The following AMMECR1 variants were observed in gnomAD, a reference collection of about 807,000 sequenced individuals.
AMMECR1 encodes the protein nuclear protein AMMECR1.
In AMMECR1, 3 loss-of-function variants were observed where a neutral mutation model predicts 22.5. The ratio of observed to expected loss-of-function variants is 0.13; its 90% CI spans 0.06 to 0.35. AMMECR1 has a LOEUF of 0.35. Among genes scored for constraint, AMMECR1 ranks in the 10% least tolerant of loss-of-function variants. The pLI is 1.00. For missense variants in AMMECR1, 235 were observed against 278.7 expected (o/e 0.84, Z 1.12); for synonymous variants, 130 against 116.7 (o/e 1.11, Z -0.74).
At chrX:110,259,752 C>T (rs1400767229) in intron 2 of AMMECR1, among the ~76,000 whole-genome samples, 7 of 109,147 alleles carry the variant, frequency 6.4e-5, no homozygotes, top group African/African-American at 2.3e-4. Flanking sequence ...CCACCACGCC[C>T]GGCTAATTTT....
At chrX:110,232,956 C>T (rs1233780974) in intron 2 of AMMECR1, among the ~76,000 whole-genome samples, 1 of 68,880 alleles carries the variant, frequency 1.5e-5, no homozygotes, top group African/African-American at 5.8e-5. Flanking sequence ...CAAAAGCTAA[C>T]AAAAGGCAAG....
Position 110,405,093 on chromosome X carries a change from C to G in AMMECR1, c.-148+21565G>C, listed in dbSNP as rs772955322. Among the ~76,000 whole-genome samples the G allele has an allele frequency of 3.4e-4, 34 of 99,477 alleles. 1 individual carries two copies. Among genetic ancestry groups the G allele is most frequent in the Admixed American group, 1.4e-3 (13 of 9,158 alleles). The allele number at this position is 99,477 out of a possible 115,157, so 86.4% of individuals were successfully genotyped here. On this transcript the variant is annotated intron_variant, in intron 2 of 7. Coordinates refer to the AMMECR1 transcript ENST00000372057. ...ATTCAGGTGTGCTTGTTGTGTCCCC[C>G]CCCCCCCCAAGCATGAGTCAGAGCC...
intron 3 of AMMECR1, among the ~76,000 whole-genome samples, chrX:110,211,752 T>C (rs2067448805): frequency 8.9e-6 from 1 of 111,745 alleles, no homozygotes; most frequent in South Asian, 3.8e-4. Flanking sequence ...CCTCAAATTA[T>C]TCACTCTTCA....
chrX:110,274,392 ATGTG>A (rs1173837594), intron 1 of AMMECR1, among the ~76,000 whole-genome samples: 2 of 111,285 alleles, frequency 1.8e-5, no homozygotes, highest in Admixed American at 1.9e-4. Context: ...TTATCCTTTT[ATGTG>A]TATTTTTTTT....
intron 2 of AMMECR1, among the ~76,000 whole-genome samples, chrX:110,351,485 C>T (rs954769006): frequency 9.8e-5 from 11 of 111,700 alleles, no homozygotes; most frequent in African/African-American, 3.3e-5. Context: ...GACATTTCCA[C>T]GAGGAAAACA....
chrX:110,351,736 A>T (rs1393841844), intron 2 of AMMECR1, among the ~76,000 whole-genome samples: 3 of 112,319 alleles, frequency 2.7e-5, no homozygotes, highest in African/African-American at 9.7e-5. Flanking sequence ...GAAAAAAATG[A>T]TAAACTGACT....
intron 1 of AMMECR1, among the ~76,000 whole-genome samples, chrX:110,282,810 A>G (rs1463454911): frequency 1.8e-5 from 2 of 111,651 alleles, no homozygotes; most frequent in Non-Finnish European, 3.8e-5. Context: ...AAGCATTAAC[A>G]TTCAGTGAGA....
At chrX:110,233,128 A>C (rs996367095) in intron 2 of AMMECR1, among the ~76,000 whole-genome samples, 1 of 110,321 alleles carries the variant, frequency 9.1e-6, no homozygotes, top group Non-Finnish European at 1.9e-5. Context: ...AAATAGACGC[A>C]AGAAGAAATG....
At chrX:110,223,850 A>G (rs751507028) in intron 2 of AMMECR1, among the ~76,000 whole-genome samples, 1 of 111,956 alleles carries the variant, frequency 8.9e-6, no homozygotes, top group South Asian at 3.7e-4. Context: ...ACATATTACA[A>G]TGGCCAACAG....
At chrX:110,302,153 A>G (rs1045185353) in intron 1 of AMMECR1, among the ~76,000 whole-genome samples, 15 of 111,829 alleles carry the variant, frequency 1.3e-4, no homozygotes, top group Non-Finnish European at 2.1e-4. Flanking sequence ...TGCATAAGAG[A>G]AAAAGATACC....
chrX:110,365,064 C>T (rs914710817), intron 2 of AMMECR1, among the ~76,000 whole-genome samples: 1 of 111,619 alleles, frequency 9.0e-6, no homozygotes, highest in African/African-American at 3.3e-5. Flanking sequence ...CCTAGCTGAC[C>T]AGTTGACACT....
At chrX:110,209,384 C>T (rs1385914112) in intron 3 of AMMECR1, among the ~76,000 whole-genome samples, 5 of 111,853 alleles carry the variant, frequency 4.5e-5, no homozygotes, top group Admixed American at 9.5e-5. Flanking sequence ...TAAAGTGAAT[C>T]GCTCCCTAAT....
chrX:110,252,345 A>T (rs936680907), intron 2 of AMMECR1, among the ~76,000 whole-genome samples: 1 of 111,442 alleles, frequency 9.0e-6, no homozygotes. Flanking sequence ...CACTTAGGGA[A>T]GCAGAGGCTG....
chrX:110,231,327 C>T (rs868567079), intron 2 of AMMECR1, among the ~76,000 whole-genome samples: 10 of 112,384 alleles, frequency 8.9e-5, no homozygotes, highest in South Asian at 3.7e-4. Context: ...TCAGCTGAAA[C>T]GCTACAAGAC....
At chrX:110,378,521 G>A (rs962849282) in intron 2 of AMMECR1, among the ~76,000 whole-genome samples, 8 of 111,872 alleles carry the variant, frequency 7.2e-5, no homozygotes, top group African/African-American at 2.3e-4. Flanking sequence ...CCTGGCATTC[G>A]AAGCTCTCTA....
At chrX:110,437,690 C>A (rs1198529471) in intron 1 of AMMECR1, among the ~76,000 whole-genome samples, 1 of 111,485 alleles carries the variant, frequency 9.0e-6, no homozygotes, top group Non-Finnish European at 1.9e-5. Flanking sequence ...GAGTTCAATG[C>A]GGGTATCAGA....
At chrX:110,294,360 T>C (rs180908664) in intron 1 of AMMECR1, among the ~76,000 whole-genome samples, 1 of 112,172 alleles carries the variant, frequency 8.9e-6, no homozygotes, top group African/African-American at 3.2e-5. Context: ...GCTAAGCTAC[T>C]CTTTTGAAAT....
intron 3 of AMMECR1, among the ~76,000 whole-genome samples, chrX:110,206,182 G>A (rs1015280074): frequency 8.9e-6 from 1 of 111,824 alleles, no homozygotes; most frequent in Non-Finnish European, 1.9e-5. Flanking sequence ...ATAGCACGTG[G>A]TCACAGAAAG....
intron 1 of AMMECR1, among the ~76,000 whole-genome samples, chrX:110,266,087 TAACA>T (rs771245438): frequency 9.2e-6 from 1 of 108,185 alleles, no homozygotes; most frequent in African/African-American, 3.4e-5. Context: ...GGTATTAAAA[TAACA>T]AACAAAAGGT....
Sources: allele counts gnomAD v4.1 joint callset (sites outside exome capture counted in the v4.1 genomes callset), GRCh38; gene constraint gnomAD v4.1.1; transcripts MANE v1.5; gene names NCBI Gene and HGNC (gene_info 2026-07-23, HGNC 2026-07-21).